The following OIP5 variants were observed in gnomAD, a reference collection of about 807,000 sequenced individuals.
OIP5 encodes the protein protein Mis18-beta.
Under a neutral mutation model 20.3 loss-of-function variants are expected in OIP5, and 24 were observed. The observed-to-expected ratio is 1.18, with a 90% CI of 0.86 to 1.66. OIP5 has a LOEUF of 1.66. OIP5 is among the 40% of genes most tolerant of loss of function. The pLI is 0.00. For missense variants in OIP5, 339 were observed against 289.5 expected, an observed-to-expected ratio of 1.17 and a Z score of -1.24; for synonymous variants, 143 against 121.3, an observed-to-expected ratio of 1.18 and a Z score of -1.17.
rs1227041095 is a variant in OIP5, at chr15:41,319,652, A to G, written c.512+6T>C. ...TATTTGATGATCAATATCTAAGTCT[A>G]CTCACCACACCATTTTGTCACTGGA... On this transcript the variant is annotated splice_donor_region_variant and intron_variant, in intron 3 of 4. Coordinates refer to ENST00000220514, the MANE Select transcript of OIP5 (RefSeq NM_007280.2). 1 of 1,609,882 alleles carries G rather than the reference A, an allele frequency of 6.2e-7. No homozygotes were observed. Among genetic ancestry groups the G allele is most frequent in the Non-Finnish European group, 8.5e-7 (1 of 1,178,618 alleles).
At chr15:41,323,060 T>C (rs779517492) in intron 2 of OIP5, among the ~76,000 whole-genome samples, 1 of 152,136 alleles carries the variant, frequency 6.6e-6, no homozygotes, top group Non-Finnish European at 1.5e-5. Context: ...ACCACACATA[T>C]AGTAATGTAA....
intron 2 of OIP5, among the ~76,000 whole-genome samples, chr15:41,330,438 T>C (rs538628012): frequency 1.0e-4 from 14 of 133,894 alleles, no homozygotes; most frequent in African/African-American, 4.0e-4. Context: ...TGATACGGAG[T>C]CTGTCGCCCA....
chr15:41,328,623 G>C (rs969261070), intron 2 of OIP5, among the ~76,000 whole-genome samples: 2 of 152,116 alleles, frequency 1.3e-5, no homozygotes, highest in African/African-American at 4.8e-5. Flanking sequence ...AAGTAACCTT[G>C]TATCTGTCTA....
At chr15:41,314,589 A>C (rs2140459397) in intron 3 of OIP5, among the ~76,000 whole-genome samples, 1 of 151,034 alleles carries the variant, frequency 6.6e-6, no homozygotes, top group Middle Eastern at 3.5e-3. Flanking sequence ...ATGGCTTGAC[A>C]TCAGAAATTT....
Position 41,309,694 on chromosome 15 carries a change from G to A in OIP5, c.*60C>T. The stretch of plus-strand genomic sequence containing the variant: ...ATCTTTTTCAAGAAATGACTAAGCA[G>A]CACCTGTTGTTGAAGACAGCAATAA... On this transcript the variant is annotated 3_prime_UTR_variant, in exon 5 of 5. Coordinates refer to ENST00000220514, the MANE Select transcript of OIP5 (RefSeq NM_007280.2). 1 of 1,069,426 alleles carries A rather than the reference G, an allele frequency of 9.4e-7. No individual in the cohort carries two copies. The highest frequency in any genetic ancestry group is 1.4e-6 in the Non-Finnish European group (1 of 702,592). 66.2% of individuals were successfully genotyped at this position (1,069,426 alleles called of 1,614,324 possible).
In OIP5 at chr15:41,325,362, C is replaced by T. The variant is rs540646983; in HGVS notation, c.390-5582G>A. Reference sequence around the variant, plus strand: ...CTGAGCTTGCAGTGAGCCTAGATCACGCCACTGCACTCCAGCCTGGGTGAC... The same window carrying T: ...CTGAGCTTGCAGTGAGCCTAGATCATGCCACTGCACTCCAGCCTGGGTGAC... On this transcript the variant is annotated intron_variant, in intron 2 of 4. Coordinates refer to ENST00000220514, the MANE Select transcript of OIP5 (RefSeq NM_007280.2). Among the ~76,000 whole-genome samples, 104 of 151,828 alleles carry T rather than the reference C, an allele frequency of 6.8e-4. 1 individual carries two copies. The South Asian group carries it at 0.02, about 29-fold the overall frequency.
intron 2 of OIP5, among the ~76,000 whole-genome samples, chr15:41,327,141 A>G (rs1456042496): frequency 6.6e-6 from 1 of 151,634 alleles, no homozygotes; most frequent in Non-Finnish European, 1.5e-5. Context: ...AACTGTTGAA[A>G]CTGGGTACCT....
chr15:41,314,177 C>T (rs1171416092), intron 3 of OIP5, among the ~76,000 whole-genome samples: 1 of 152,118 alleles, frequency 6.6e-6, no homozygotes, highest in Admixed American at 6.6e-5. Context: ...TCTCAGCTCA[C>T]TGCAACCTCT....
chr15:41,324,088 G>A (rs573163571), intron 2 of OIP5, among the ~76,000 whole-genome samples: 4 of 150,234 alleles, frequency 2.7e-5, no homozygotes, highest in Admixed American at 2.0e-4. Flanking sequence ...GACCTCTCTG[G>A]GCTCAAGCCA....
rs1294417427 is a variant in OIP5, at chr15:41,313,321, T to G, written c.546A>C (p.Ala182=). 1 of 1,604,874 alleles carries G rather than the reference T, an allele frequency of 6.2e-7. No homozygotes were observed. ...GAACATTTTGAATATCCATCTCTGA[T>G]GCATTTACTATGGCTTTTGTTTTTA... ...YLLKTKAIVN[A]SEMDIQNVPL... Residue 182 remains alanine (A), a synonymous_variant, in exon 4 of 5, where the codon GCA becomes GCC. Coordinates refer to ENST00000220514, the MANE Select transcript of OIP5 (RefSeq NM_007280.2).
intron 3 of OIP5, 42 bp downstream of exon 3, chr15:41,319,611 TAAATA>T (rs777301187): frequency 6.4e-7 from 1 of 1,550,734 alleles, no homozygotes; most frequent in Admixed American, 2.1e-5. Flanking sequence ...TGTCTCAAAA[TAAATA>T]AAATAAAATG....
chr15:41,319,703 G>C lies in OIP5; in HGVS notation c.467C>G (p.Ala156Gly). ...FHLYSTHAAL[A>G]ALRGHFCLSS... ...AAGGCAGAAGTGACCTCTCAAGGCAGCCAGGGCAGCATGGGTAGAATACAG... is the reference window on the plus strand; with the variant it reads ...AAGGCAGAAGTGACCTCTCAAGGCACCCAGGGCAGCATGGGTAGAATACAG... The change falls in exon 3 of 5, where the codon GCT becomes GGT. Residue 156 changes from alanine to glycine, a missense_variant. Physicochemically the swap from Ala to Gly is moderately conservative, Grantham distance 60. Coordinates refer to ENST00000220514, the MANE Select transcript of OIP5 (RefSeq NM_007280.2). 1 of 1,613,942 alleles carries C rather than the reference G, an allele frequency of 6.2e-7. No homozygotes were observed. The highest frequency in any genetic ancestry group is 8.5e-7 in the Non-Finnish European group (1 of 1,179,878).
intron 4 of OIP5, 79 bp downstream of exon 4, chr15:41,313,194 T>C (rs2047769644): frequency 1.2e-6 from 1 of 855,508 alleles, no homozygotes; most frequent in Non-Finnish European, 1.9e-6. Context: ...TGCCATTTCA[T>C]CATCCCCAAG....
At chr15:41,323,455 A>G (rs965942442) in intron 2 of OIP5, among the ~76,000 whole-genome samples, 1 of 152,184 alleles carries the variant, frequency 6.6e-6, no homozygotes, top group Non-Finnish European at 1.5e-5. Context: ...TAAAGTCACC[A>G]GCTGCAATAG....
At chr15:41,330,088 T>C (rs1422928936) in intron 2 of OIP5, among the ~76,000 whole-genome samples, 1 of 152,138 alleles carries the variant, frequency 6.6e-6, no homozygotes, top group East Asian at 1.9e-4. Flanking sequence ...CATTTCACCA[T>C]GTAATCAATT....
chr15:41,310,248 G>C (rs2047745911), intron 4 of OIP5, among the ~76,000 whole-genome samples: 1 of 152,142 alleles, frequency 6.6e-6, no homozygotes, highest in Admixed American at 6.6e-5. Flanking sequence ...TAGTAATTGG[G>C]AGCTGGCAAT....
intron 3 of OIP5, among the ~76,000 whole-genome samples, chr15:41,314,288 G>C (rs915304389): frequency 1.3e-5 from 2 of 152,158 alleles, no homozygotes; most frequent in African/African-American, 4.8e-5. Flanking sequence ...TTTTAGTAGA[G>C]ATGGGGTTTC....
At chr15:41,309,873 T>C (rs1260621510) in intron 4 of OIP5, 24 bp from the exon 5 acceptor site, 7 of 1,503,950 alleles carry the variant, frequency 4.7e-6, no homozygotes, top group East Asian at 2.3e-5. Flanking sequence ...TATATAGATA[T>C]CAGGGCATCT....
At position 41,309,316 on chromosome 15, in the gene OIP5, G is replaced by T. The variant is rs2047739617; in HGVS notation, c.*438C>A. ...TTAAACATTACCTATAGAATATTAT[G>T]ATCTGTATTTTACAGAAGTTAAAAA... On this transcript the variant is annotated 3_prime_UTR_variant, in exon 5 of 5. Coordinates refer to ENST00000220514, the MANE Select transcript of OIP5 (RefSeq NM_007280.2). The T allele has an allele frequency of 6.6e-6, 1 of 152,560 alleles. No homozygotes were observed. Among genetic ancestry groups the T allele is most frequent in the Non-Finnish European group, 1.5e-5 (1 of 68,352 alleles). The allele number at this position is 152,560 out of a possible 1,614,324, so 9.5% of individuals were successfully genotyped here.
Sources: gnomAD v4.1 joint callset for allele counts (sites outside exome capture counted in the v4.1 genomes callset) on GRCh38, gnomAD v4.1.1 for gene constraint, MANE v1.5 for transcripts, NCBI Gene and HGNC (gene_info 2026-07-23, HGNC 2026-07-21) for gene names.